VPS13B: variants seen among roughly 807,000 people sequenced by gnomAD.
The protein encoded by VPS13B is intermembrane lipid transfer protein VPS13B.
A neutral mutation model predicts 426.4 loss-of-function variants in VPS13B; 285 were observed. That is an observed-to-expected ratio of 0.67 (90% CI 0.61 to 0.74). The LOEUF is 0.74. VPS13B is among the 30% of genes least tolerant of loss of function. VPS13B has a pLI of 0.00. For synonymous variants in VPS13B, 1,676 were observed against 1,676.4 expected, an observed-to-expected ratio of 1.00 and a Z score of 0.01; for missense variants, 4,537 against 4,782.6, an observed-to-expected ratio of 0.95 and a Z score of 1.51.
chr8:99,279,426 A>G (rs551672145), intron 19 of VPS13B, among the ~76,000 whole-genome samples: 1 of 151,850 alleles, frequency 6.6e-6, no homozygotes, highest in East Asian at 2.0e-4. Flanking sequence ...CACCTGGCTA[A>G]TTTTTGTATT....
At chr8:99,013,456 G>T (rs1487409762) in intron 1 of VPS13B, 109 bp downstream of exon 1, 1 of 369,816 alleles carries the variant, frequency 2.7e-6, no homozygotes, top group Non-Finnish European at 5.1e-6. Context: ...GGGCCTCGCG[G>T]GGTGGCTGGG....
intron 2 of VPS13B, among the ~76,000 whole-genome samples, chr8:99,029,785 GGGAGAGGGAGAGGGAGAGGGAGAC>G (rs1314923137): frequency 4.1e-5 from 6 of 146,898 alleles, no homozygotes; most frequent in African/African-American, 7.6e-5. Context: ...CGTGGAAAGA[GGGAGAGGGAGAGGGAGAGGGAGAC>G]GGAGAGGGAG....
chr8:99,268,273 C>A (rs949251586), intron 17 of VPS13B, among the ~76,000 whole-genome samples: 1 of 152,188 alleles, frequency 6.6e-6, no homozygotes, highest in Non-Finnish European at 1.5e-5. Flanking sequence ...CCTACTGGGG[C>A]ACTGCCTACT....
rs1847343311 is a variant in VPS13B, at chr8:99,111,159, A to G, written c.642A>G (p.Lys214=). The change falls in exon 6 of 62, where the codon AAA becomes AAG. Residue 214 remains lysine, a synonymous_variant. Transcript: ENST00000357162. ...CTGACTGTACAGTTTGTCTTGATAA[A>G]CGGAATGCCAGTGGTAAAATAGAAT... ...NFSDCTVCLD[K]RNASGKIEFY... is the part of the protein sequence containing the mutation. 1 of 1,605,052 alleles carries G rather than the reference A, an allele frequency of 6.2e-7. No homozygotes were observed. Among genetic ancestry groups the G allele is most frequent in the South Asian group, 1.1e-5 (1 of 88,990 alleles).
chr8:99,666,791 G>A (rs1219927076), intron 35 of VPS13B, among the ~76,000 whole-genome samples: 1 of 152,096 alleles, frequency 6.6e-6, no homozygotes, highest in Non-Finnish European at 1.5e-5. Flanking sequence ...TCAACATAGT[G>A]TTGGAAGTTC....
In VPS13B at chr8:99,803,167, A is replaced by G. The variant is rs904189467; in HGVS notation, c.7942-6208A>G. Among the ~76,000 whole-genome samples, 4 of 152,324 alleles carry G rather than the reference A, an allele frequency of 2.6e-5. No individual in the cohort carries two copies. In the East Asian group the frequency reaches 5.8e-4, roughly 22 times the overall value. On this transcript the variant is annotated intron_variant, in intron 43 of 61. Coordinates refer to ENST00000357162, the MANE Select transcript of VPS13B (RefSeq NM_152564.5). ...ATTATTTCATAGAATTGATGCATCA[A>G]TAGGTATTACAAGTAAGATTTTTTT...
At chr8:99,632,495 G>C (rs1828889220) in intron 33 of VPS13B, among the ~76,000 whole-genome samples, 1 of 151,950 alleles carries the variant, frequency 6.6e-6, no homozygotes, top group African/African-American at 2.4e-5. Flanking sequence ...TATGGGGCTA[G>C]CTGACCAGAG....
At chr8:99,132,216 G>A (rs982193621) in intron 8 of VPS13B, among the ~76,000 whole-genome samples, 3 of 152,092 alleles carry the variant, frequency 2.0e-5, no homozygotes, top group East Asian at 1.9e-4. Context: ...AACCTCTGTC[G>A]AAATTGAAGT....
chr8:99,574,145 G>C (rs1428810743), intron 31 of VPS13B, among the ~76,000 whole-genome samples: 1 of 152,160 alleles, frequency 6.6e-6, no homozygotes. Context: ...TTTGCACATT[G>C]ATTTTGTATC....
At chr8:99,292,998 A>G (rs1033135014) in intron 19 of VPS13B, among the ~76,000 whole-genome samples, 3 of 152,126 alleles carry the variant, frequency 2.0e-5, no homozygotes, top group East Asian at 1.9e-4. Context: ...GATCATTTCT[A>G]TAGTTTGTTA....
chr8:99,708,482 G>A (rs1332285475), intron 36 of VPS13B, among the ~76,000 whole-genome samples: 2 of 151,908 alleles, frequency 1.3e-5, no homozygotes, highest in East Asian at 3.9e-4. Context: ...CCAGTTACTT[G>A]TTTTTCCATT....
chr8:99,825,851 G>T (rs1039320637), intron 51 of VPS13B, among the ~76,000 whole-genome samples: 2 of 152,204 alleles, frequency 1.3e-5, no homozygotes, highest in East Asian at 3.9e-4. Context: ...GCTTGTTTTT[G>T]TCAGGTTTGT....
chr8:99,626,161 T>C (rs1398847747), intron 33 of VPS13B, among the ~76,000 whole-genome samples: 1 of 152,198 alleles, frequency 6.6e-6, no homozygotes, highest in Non-Finnish European at 1.5e-5. Flanking sequence ...ATAGCAACAT[T>C]ATTTGTAGTA....
chr8:99,528,215 T>G (rs560464480), intron 30 of VPS13B, among the ~76,000 whole-genome samples: 2 of 152,102 alleles, frequency 1.3e-5, no homozygotes, highest in Non-Finnish European at 2.9e-5. Flanking sequence ...GACTTGATTT[T>G]CATGGTTTTT....
intron 3 of VPS13B, among the ~76,000 whole-genome samples, chr8:99,090,889 A>G (rs1362563910): frequency 6.6e-6 from 1 of 151,918 alleles, no homozygotes; most frequent in Non-Finnish European, 1.5e-5. Flanking sequence ...ATTTCTGCCT[A>G]TTTCACCTTC....
At chr8:99,834,685 A>G (rs1452276157) in intron 52 of VPS13B, among the ~76,000 whole-genome samples, 1 of 152,140 alleles carries the variant, frequency 6.6e-6, no homozygotes, top group Non-Finnish European at 1.5e-5. Flanking sequence ...CAGCCTTCCA[A>G]GTAGCTGGGA....
intron 19 of VPS13B, among the ~76,000 whole-genome samples, chr8:99,369,844 C>A (rs1813085596): frequency 6.6e-6 from 1 of 151,994 alleles, no homozygotes; most frequent in Non-Finnish European, 1.5e-5. Flanking sequence ...TACAGTGTCC[C>A]CAGTGATTCT....
intron 42 of VPS13B, among the ~76,000 whole-genome samples, chr8:99,779,457 C>T (rs1488406902): frequency 1.3e-5 from 2 of 151,914 alleles, no homozygotes; most frequent in African/African-American, 4.8e-5. Context: ...AACAAACAAA[C>T]AAAAAAAGCA....
At chr8:99,416,863 G>A (rs987570217) in intron 21 of VPS13B, among the ~76,000 whole-genome samples, 6 of 152,032 alleles carry the variant, frequency 3.9e-5, no homozygotes, top group Non-Finnish European at 5.9e-5. Context: ...GTTCCTATTC[G>A]GCCATCTTGC....
Sources: allele counts gnomAD v4.1 joint callset (sites outside exome capture counted in the v4.1 genomes callset), GRCh38; gene constraint gnomAD v4.1.1; transcripts MANE v1.5; gene names NCBI Gene and HGNC (gene_info 2026-07-23, HGNC 2026-07-21).